Variants in MAML3 observed in about 807,000 individuals in gnomAD.
MAML3 encodes mastermind-like protein 3.
In MAML3, 27 loss-of-function variants were observed where a neutral mutation model predicts 101.9. The observed-to-expected ratio is 0.27, with a 90% CI of 0.20 to 0.37. MAML3 has a LOEUF of 0.37. Among genes scored for constraint, MAML3 ranks in the 10% least tolerant of loss-of-function variants. The pLI is 1.00. For synonymous variants in MAML3, 501 were observed against 555.9 expected (o/e 0.90, Z 1.39); for missense variants, 1,316 against 1,444.9 (o/e 0.91, Z 1.45).
chr4:140,093,415 TG>T (rs1304765957), intron 1 of MAML3, among the ~76,000 whole-genome samples: 7 of 139,978 alleles, frequency 5.0e-5, no homozygotes, highest in African/African-American at 5.1e-5. Flanking sequence ...CATGTTTGTT[TG>T]TTTTTTTTTT....
intron 2 of MAML3, among the ~76,000 whole-genome samples, chr4:139,846,128 A>G (rs929504181): frequency 3.9e-5 from 6 of 152,116 alleles, no homozygotes; most frequent in Non-Finnish European, 2.9e-5. Context: ...ATCTTGATAG[A>G]TCATTTTATG....
At chr4:140,106,982 A>G (rs1578688035) in intron 1 of MAML3, among the ~76,000 whole-genome samples, 1 of 151,848 alleles carries the variant, frequency 6.6e-6, no homozygotes, top group Non-Finnish European at 1.5e-5. Flanking sequence ...GCGATTCTCC[A>G]GCCTCAGTCT....
chr4:139,907,035 G>C (rs1199749250), intron 1 of MAML3, among the ~76,000 whole-genome samples: 5 of 152,236 alleles, frequency 3.3e-5, no homozygotes, highest in Non-Finnish European at 4.4e-5. Flanking sequence ...AAGCAAGGCA[G>C]TGTAATAGAT....
At chr4:139,973,867 AC>A (rs1734271479) in intron 1 of MAML3, among the ~76,000 whole-genome samples, 1 of 152,178 alleles carries the variant, frequency 6.6e-6, no homozygotes. Context: ...TGATAGAATT[AC>A]CTTTCACCAT....
chr4:139,952,428 C>T (rs977287070), intron 1 of MAML3, among the ~76,000 whole-genome samples: 1 of 152,088 alleles, frequency 6.6e-6, no homozygotes, highest in Admixed American at 6.5e-5. Context: ...TAATGTTTGG[C>T]CTCCTGCGTA....
At chr4:139,878,356 T>A (rs1732152089) in intron 2 of MAML3, among the ~76,000 whole-genome samples, 1 of 152,162 alleles carries the variant, frequency 6.6e-6, no homozygotes, top group Admixed American at 6.5e-5. Flanking sequence ...TAGCACTGAC[T>A]ACTCGCTCCC....
chr4:139,828,543 CA>C (rs1462124200), intron 2 of MAML3, among the ~76,000 whole-genome samples: 2 of 152,102 alleles, frequency 1.3e-5, no homozygotes, highest in Non-Finnish European at 2.9e-5. Flanking sequence ...ACGGAATAAA[CA>C]AAGCCCTGAG....
intron 2 of MAML3, among the ~76,000 whole-genome samples, chr4:139,803,750 A>G (rs1730652885): frequency 6.6e-6 from 1 of 152,174 alleles, no homozygotes; most frequent in Non-Finnish European, 1.5e-5. Flanking sequence ...CATTACACAC[A>G]TCACCTCATT....
At chr4:139,724,299 T>C (rs1728380138) in intron 4 of MAML3, among the ~76,000 whole-genome samples, 1 of 152,240 alleles carries the variant, frequency 6.6e-6, no homozygotes, top group African/African-American at 2.4e-5. Context: ...AGCTCACAGT[T>C]CATGATCTAG....
chr4:139,787,243 C>G (rs914519572), intron 2 of MAML3, among the ~76,000 whole-genome samples: 26 of 152,192 alleles, frequency 1.7e-4, no homozygotes, highest in Admixed American at 1.7e-3. Context: ...TAGTTCTGTG[C>G]CCCTTAATCA....
At chr4:139,822,344 G>A (rs1262585291) in intron 2 of MAML3, among the ~76,000 whole-genome samples, 2 of 151,038 alleles carry the variant, frequency 1.3e-5, no homozygotes, top group East Asian at 4.0e-4. Context: ...TCAGTGACTG[G>A]GCTGCTGCTG....
intron 1 of MAML3, among the ~76,000 whole-genome samples, chr4:139,912,892 T>G (rs752360848): frequency 2.0e-5 from 3 of 152,184 alleles, no homozygotes; most frequent in Non-Finnish European, 4.4e-5. Flanking sequence ...CCATTTCTAG[T>G]GTATTAAGCC....
At chr4:139,966,463 C>A (rs1385008504) in intron 1 of MAML3, among the ~76,000 whole-genome samples, 1 of 152,146 alleles carries the variant, frequency 6.6e-6, no homozygotes, top group Non-Finnish European at 1.5e-5. Context: ...GTAAAACAGG[C>A]AGAATATGTC....
At chr4:139,947,800 G>C (rs1305506189) in intron 1 of MAML3, among the ~76,000 whole-genome samples, 2 of 151,954 alleles carry the variant, frequency 1.3e-5, no homozygotes, top group Non-Finnish European at 2.9e-5. Context: ...AGGATTTCTA[G>C]AACACTAAAA....
chr4:139,928,393 G>A (rs1208523341), intron 1 of MAML3, among the ~76,000 whole-genome samples: 1 of 152,176 alleles, frequency 6.6e-6, no homozygotes, highest in Non-Finnish European at 1.5e-5. Flanking sequence ...CCCTCAGGTA[G>A]TTTATGGGCT....
chr4:139,904,840 G>A (rs1056872389), intron 1 of MAML3, among the ~76,000 whole-genome samples: 2 of 152,206 alleles, frequency 1.3e-5, no homozygotes, highest in Non-Finnish European at 2.9e-5. Flanking sequence ...GCATGTTACT[G>A]TACTGAATAC....
intron 2 of MAML3, among the ~76,000 whole-genome samples, chr4:139,782,912 T>A (rs934870714): frequency 6.6e-6 from 1 of 152,182 alleles, no homozygotes; most frequent in Non-Finnish European, 1.5e-5. Context: ...ACATTCAAAG[T>A]AGAGCCTTAC....
In MAML3 at chr4:140,153,445, A is replaced by C; in HGVS notation, c.-118T>G. Reference sequence around the variant, plus strand: ...TGGAACGCGGGGGAGACGCAAGCACATGGATGGAAACGGCGATCCCGACGG... The same window carrying C: ...TGGAACGCGGGGGAGACGCAAGCACCTGGATGGAAACGGCGATCCCGACGG... On this transcript the variant is annotated 5_prime_UTR_variant, in exon 1 of 5. It removes an upstream start codon present in the reference 5' UTR. Transcript: ENST00000509479. The C allele has an allele frequency of 2.0e-6, 2 of 999,890 alleles. No homozygotes were observed. Among genetic ancestry groups the C allele is most frequent in the Admixed American group, 4.7e-5 (1 of 21,374 alleles). 61.9% of individuals were successfully genotyped at this position (999,890 alleles called of 1,614,324 possible).
intron 1 of MAML3, among the ~76,000 whole-genome samples, chr4:139,898,621 A>G (rs551050143): frequency 6.6e-6 from 1 of 152,316 alleles, no homozygotes; most frequent in South Asian, 2.1e-4. Context: ...AAGATAAGAG[A>G]GTCTTAGCTT....
Sources: gnomAD v4.1 joint callset for allele counts (sites outside exome capture counted in the v4.1 genomes callset) on GRCh38, gnomAD v4.1.1 for gene constraint, MANE v1.5 for transcripts, NCBI Gene and HGNC (gene_info 2026-07-23, HGNC 2026-07-21) for gene names.